Variants in PPP4R3B observed in about 807,000 individuals in gnomAD.
The protein encoded by PPP4R3B is protein phosphatase 4 regulatory subunit 3B, also known as serine/threonine-protein phosphatase 4 regulatory subunit 3B.
A neutral mutation model predicts 95.4 loss-of-function variants in PPP4R3B; 52 were observed. The observed-to-expected ratio is 0.54, with a 90% CI of 0.44 to 0.69. PPP4R3B has a LOEUF of 0.69. Ranked by LOEUF, PPP4R3B falls within the 30% of genes least tolerant of loss-of-function variation. The probability of loss-of-function intolerance (pLI) is 0.00; values close to 1 mark genes in which losing one functional copy is unlikely to be tolerated. For missense variants in PPP4R3B, 1,003 were observed against 1,005.9 expected (o/e 1.00, Z 0.04); for synonymous variants, 407 against 343.9 (o/e 1.18, Z -2.03).
intron 3 of PPP4R3B, among the ~76,000 whole-genome samples, chr2:55,603,124 T>A (rs1255584290): frequency 6.6e-6 from 1 of 152,110 alleles, no homozygotes; most frequent in Admixed American, 6.6e-5. Flanking sequence ...AGCTAATTTT[T>A]GTACTTTGAG....
intron 4 of PPP4R3B, among the ~76,000 whole-genome samples, chr2:55,596,960 G>A (rs1361791007): frequency 3.3e-5 from 5 of 151,908 alleles, no homozygotes; most frequent in Admixed American, 1.3e-4. Flanking sequence ...GTGAAACTCC[G>A]TCTCAAAATA....
rs147118353 is a variant in PPP4R3B, at chr2:55,598,419, C to T, written c.918G>A (p.Leu306=). 1 of 1,612,126 alleles carries T rather than the reference C, an allele frequency of 6.2e-7. No homozygotes were observed. Among genetic ancestry groups the T allele is most frequent in the African/African-American group, 1.3e-5 (1 of 74,724 alleles). The change falls in exon 4 of 17, where the codon TTG becomes TTA. Residue 306 remains leucine (L), a synonymous_variant. Coordinates refer to ENST00000616407, the MANE Select transcript of PPP4R3B (RefSeq NM_001122964.3). ...TGAAGAGTATCTTTTTACTTACCTG[C>T]AACATGCTGACTATCTCAACTTTGT... is the stretch of plus-strand genomic sequence containing the variant. ...FFNKVEIVSM[L]QEDEKFLSEV...
chr2:55,564,329 A>T lies in PPP4R3B; in HGVS notation c.2244T>A (p.Phe748Leu), dbSNP rs533630759. 1 of 1,613,256 alleles carries T rather than the reference A, an allele frequency of 6.2e-7. No individual in the cohort carries two copies. Among genetic ancestry groups the T allele is most frequent in the East Asian group, 2.2e-5 (1 of 44,794 alleles). ...EDDFPDNYEK[F>L]METKKAKESE... ...TTTTAATACCTTTTTTAGTCTCCAT[A>T]AACTTTTCATAATTATCTGGAAAAT... The change falls in exon 15 of 17, where the codon TTT becomes TTA. Residue 748 changes from phenylalanine to leucine, a missense_variant. Coordinates refer to ENST00000616407, the MANE Select transcript of PPP4R3B (RefSeq NM_001122964.3).
At chr2:55,606,307 C>T (rs1261544519) in intron 2 of PPP4R3B, among the ~76,000 whole-genome samples, 4 of 151,984 alleles carry the variant, frequency 2.6e-5, no homozygotes, top group Admixed American at 6.6e-5. Flanking sequence ...GTAATGGCTC[C>T]GTATCATTAG....
chr2:55,612,646 A>T (rs897691360), intron 2 of PPP4R3B, among the ~76,000 whole-genome samples: 1 of 152,126 alleles, frequency 6.6e-6, no homozygotes. Context: ...CAAATTTTTT[A>T]AAAAATTAGT....
chr2:55,584,734 T>C (rs527976564), intron 7 of PPP4R3B, among the ~76,000 whole-genome samples: 8 of 152,340 alleles, frequency 5.3e-5, no homozygotes, highest in South Asian at 2.1e-4. Flanking sequence ...CCTAGGTAAG[T>C]ACCTGACCTG....
chr2:55,577,098 G>C (rs908633999), intron 11 of PPP4R3B, among the ~76,000 whole-genome samples: 1 of 152,088 alleles, frequency 6.6e-6, no homozygotes, highest in Admixed American at 6.5e-5. Flanking sequence ...AACAACATCA[G>C]AAAACAAGCT....
chr2:55,589,014 T>G, intron 4 of PPP4R3B, 58 bp from the exon 5 acceptor site: 1 of 1,012,592 alleles, frequency 9.9e-7, no homozygotes, highest in Middle Eastern at 2.8e-4. Flanking sequence ...TTATACTCAT[T>G]TATATGACTT....
At chr2:55,608,150 G>A (rs1262232645) in intron 2 of PPP4R3B, among the ~76,000 whole-genome samples, 5 of 152,082 alleles carry the variant, frequency 3.3e-5, no homozygotes, top group African/African-American at 4.8e-5. Context: ...GATTACAGGC[G>A]TGTGCCACCA....
chr2:55,576,322 T>G (rs745610693), intron 11 of PPP4R3B, among the ~76,000 whole-genome samples: 2 of 152,072 alleles, frequency 1.3e-5, no homozygotes, highest in Non-Finnish European at 2.9e-5. Flanking sequence ...CACTCTAGCC[T>G]GGGTGACAGA....
At chr2:55,601,495 C>T (rs1402770432) in intron 3 of PPP4R3B, among the ~76,000 whole-genome samples, 1 of 152,048 alleles carries the variant, frequency 6.6e-6, no homozygotes, top group African/African-American at 2.4e-5. Context: ...ATTCTCCTGC[C>T]TCAGCCTCCC....
intron 4 of PPP4R3B, among the ~76,000 whole-genome samples, chr2:55,590,531 G>A (rs1230090162): frequency 1.3e-5 from 2 of 151,928 alleles, no homozygotes; most frequent in African/African-American, 4.8e-5. Context: ...AATAAGCACA[G>A]ACTAAATTAC....
chr2:55,573,467 A>C (rs900134213), intron 12 of PPP4R3B, among the ~76,000 whole-genome samples, 152 bp downstream of exon 12: 2 of 152,230 alleles, frequency 1.3e-5, no homozygotes, highest in African/African-American at 4.8e-5. Context: ...ACTACAACCT[A>C]GTCCTCTTGC....
intron 2 of PPP4R3B, among the ~76,000 whole-genome samples, chr2:55,613,586 C>A (rs1694492350): frequency 1.3e-5 from 2 of 151,938 alleles, no homozygotes; most frequent in African/African-American, 4.8e-5. Flanking sequence ...CTAAAGTATT[C>A]ACAGAATCAC....
At position 55,548,631 on chromosome 2, in the gene PPP4R3B, G is replaced by A. The variant is rs1250137322; in HGVS notation, c.*1280C>T. The A allele has an allele frequency of 6.6e-6, 1 of 152,530 alleles. No homozygotes were observed. Among genetic ancestry groups the A allele is most frequent in the Non-Finnish European group, 1.5e-5 (1 of 68,018 alleles). 9.4% of individuals were successfully genotyped at this position (152,530 alleles called of 1,614,324 possible). ...TAGATTAAACGATTCCAGGAAAAAT[G>A]GACCCGTAACACATTACAAGGGTGA... On this transcript the variant is annotated 3_prime_UTR_variant, in exon 17 of 17. Transcript: ENST00000616407.
intron 1 of PPP4R3B, chr2:55,616,552 G>A (rs1290991146): frequency 6.6e-6 from 1 of 152,116 alleles, no homozygotes; most frequent in African/African-American, 2.4e-5. Context: ...AGATTGTAAG[G>A]CATTCACTTT....
intron 2 of PPP4R3B, among the ~76,000 whole-genome samples, chr2:55,606,743 A>C (rs1023139516): frequency 4.6e-5 from 7 of 150,620 alleles, no homozygotes; most frequent in African/African-American, 1.7e-4. Flanking sequence ...GAATCGCTTG[A>C]ACCCGGGAGG....
At chr2:55,555,839 A>G (rs1685787788) in intron 16 of PPP4R3B, among the ~76,000 whole-genome samples, 1 of 152,246 alleles carries the variant, frequency 6.6e-6, no homozygotes, top group Non-Finnish European at 1.5e-5. Flanking sequence ...TACACAAAGA[A>G]GCAAAATAAC....
chr2:55,604,014 T>C lies in PPP4R3B; in HGVS notation c.261A>G (p.Lys87=). ...NYDLALSFQE[K]AGCDEIWEKI... ...TTTCCCAGATCTCATCACAGCCAGC[T>C]TTCTCCTGAAAACTCAGAGCCAAAT... is the stretch of plus-strand genomic sequence containing the variant. The change falls in exon 3 of 17, where the codon AAA becomes AAG. Residue 87 remains lysine, a synonymous_variant. Transcript: ENST00000616407. 6.2e-7 allele frequency: 1 copy of C among 1,611,218 alleles called. No individual in the cohort carries two copies. Among genetic ancestry groups the C allele is most frequent in the Non-Finnish European group, 8.5e-7 (1 of 1,178,952 alleles).
Sources: allele counts gnomAD v4.1 joint callset (sites outside exome capture counted in the v4.1 genomes callset), GRCh38; gene constraint gnomAD v4.1.1; transcripts MANE v1.5; gene names NCBI Gene and HGNC (gene_info 2026-07-23, HGNC 2026-07-21).